Variants in DLG4 observed in about 807,000 individuals in gnomAD.
DLG4 encodes the protein discs large MAGUK scaffold protein 4, also known as disks large homolog 4.
Under a neutral mutation model 93.8 loss-of-function variants are expected in DLG4, and 7 were observed. The ratio of observed to expected loss-of-function variants is 0.07; its 90% CI spans 0.04 to 0.14. The LOEUF is 0.14. Among genes scored for constraint, DLG4 ranks in the 10% least tolerant of loss-of-function variants. The pLI, the probability that DLG4 is intolerant of heterozygous loss-of-function variation, is 1.00. For missense variants in DLG4, 545 were observed against 992.9 expected (o/e 0.55, Z 6.06); for synonymous variants, 341 against 387.6 (o/e 0.88, Z 1.41).
chr17:7,189,426 T>C lies in DLG4; in HGVS notation c.*1282A>G, dbSNP rs1265424742. 6.7e-6 allele frequency among the ~76,000 whole-genome samples: 1 copy of C among 149,838 alleles called. No homozygotes were observed. The highest frequency in any genetic ancestry group is 6.7e-5 in the Admixed American group (1 of 15,004). ...ATCACTTGAACCAGGGTGGCAGAGATCACAGTGAGCCGAGATCGAGCCACT... is the reference window on the plus strand; with the variant it reads ...ATCACTTGAACCAGGGTGGCAGAGACCACAGTGAGCCGAGATCGAGCCACT... On this transcript the variant is annotated 3_prime_UTR_variant, in exon 20 of 20. Coordinates refer to ENST00000399506, the MANE Select transcript of DLG4 (RefSeq NM_001321075.3).
Position 7,193,514 on chromosome 17 carries a change from C to T in DLG4, c.1662G>A (p.Glu554=), listed in dbSNP as rs1035828393. The change falls in exon 16 of 20, where the codon GAG becomes GAA. Residue 554 remains glutamate, a synonymous_variant. Transcript: ENST00000399506. This position sits in a 1 kb window ranked among gnomAD's most constrained non-coding sequence, Gnocchi z 6.7. ...KDRANDDLLS[E]FPDKFGSCVP... The stretch of plus-strand genomic sequence containing the variant: ...CACAGGATCCAAACTTGTCGGGGAA[C>T]TCGGAGAGAAGATCATCGTTGGCGC... 4 of 1,538,696 alleles carry T rather than the reference C, an allele frequency of 2.6e-6. No individual in the cohort carries two copies. The highest frequency in any genetic ancestry group is 3.5e-6 in the Non-Finnish European group (4 of 1,149,612).
At chr17:7,204,952 G>A in intron 2 of DLG4, 2 of 985,574 alleles carry the variant, frequency 2.0e-6, no homozygotes, top group Non-Finnish European at 2.4e-6. Flanking sequence ...CCACCTCCAG[G>A]AGGCCCTGTC....
chr17:7,217,104 C>T lies in DLG4; in HGVS notation c.30+14G>A, dbSNP rs914647414. The T allele has an allele frequency of 5.4e-6, 7 of 1,287,600 alleles. No individual in the cohort carries two copies. The African/African-American group carries it at 6.2e-5, about 11-fold the overall frequency. 79.8% of individuals were successfully genotyped at this position (1,287,600 alleles called of 1,614,324 possible). On this transcript the variant is annotated intron_variant, in intron 1 of 19. Coordinates refer to ENST00000399506, the MANE Select transcript of DLG4 (RefSeq NM_001321075.3). ...TACCCTCCCCCCAGTTTATAGCCCCCCCATCATGCTTACCTTGGTTGTCAC... is the reference window on the plus strand; with the variant it reads ...TACCCTCCCCCCAGTTTATAGCCCCTCCATCATGCTTACCTTGGTTGTCAC...
chr17:7,191,116 C>G lies in DLG4; in HGVS notation c.2068+151G>C, dbSNP rs973012051. On this transcript the variant is annotated intron_variant, in intron 19 of 19. Coordinates refer to ENST00000399506, the MANE Select transcript of DLG4 (RefSeq NM_001321075.3). This position sits in a 1 kb window ranked among gnomAD's most constrained non-coding sequence, Gnocchi z 6.6. ...TACCGAGTAGCTGGGATTACAGGTG[C>G]CCGCCAGTGCTGGGATTACAGGCGT... 3.0e-5 allele frequency: 21 copies of G among 702,770 alleles called. No individual in the cohort carries two copies. Among genetic ancestry groups the G allele is most frequent in the African/African-American group, 1.6e-4 (9 of 56,106 alleles). 43.5% of individuals were successfully genotyped at this position (702,770 alleles called of 1,614,324 possible).
In DLG4 at chr17:7,213,875, T is replaced by C. The variant is rs1256628894; in HGVS notation, c.30+3243A>G. 6.4e-6 allele frequency: 3 copies of C among 470,958 alleles called. No individual in the cohort carries two copies. The East Asian group carries it at 2.1e-4, about 33-fold the overall frequency. The allele number at this position is 470,958 out of a possible 1,614,324, so 29.2% of individuals were successfully genotyped here. ...GATGACCCCCAATGTCCTAGTTTCA[T>C]ATCTGGTAGGAAGGCTTGGATCACC... On this transcript the variant is annotated intron_variant, in intron 1 of 19. Transcript: ENST00000399506.
At position 7,203,241 on chromosome 17, in the gene DLG4, A is replaced by T. The variant is rs751626130; in HGVS notation, c.594T>A (p.Gly198=). Residue 198 remains glycine, a synonymous_variant, in exon 7 of 20, where the codon GGT becomes GGA. Transcript: ENST00000399506. The surrounding 1 kb of genome is among the most constrained non-coding windows in gnomAD (Gnocchi z 7.2). ...SIYVTKIIEG[G]AAHKDGRLQI... ...GCAACCTCCCATCCTTGTGGGCAGC[A>T]CCCCCTTCGATGATCTTTGTTACAT... 5 of 1,610,022 alleles carry T rather than the reference A, an allele frequency of 3.1e-6. No homozygotes were observed. Among genetic ancestry groups the T allele is most frequent in the Non-Finnish European group, 3.4e-6 (4 of 1,176,704 alleles).
intron 8 of DLG4, among the ~76,000 whole-genome samples, chr17:7,201,305 T>A (rs2070121101): frequency 1.3e-5 from 2 of 152,376 alleles, no homozygotes; most frequent in South Asian, 4.1e-4. Context: ...CTTGTCTTGT[T>A]ACACTGTCTG....
chr17:7,217,613 A>G lies in DLG4; in HGVS notation c.-466T>C. 8.3e-7 allele frequency: 1 copy of G among 1,211,594 alleles called. No individual in the cohort carries two copies. Among genetic ancestry groups the G allele is most frequent in the Non-Finnish European group, 1.1e-6 (1 of 937,326 alleles). The allele number at this position is 1,211,594 out of a possible 1,614,324, so 75.1% of individuals were successfully genotyped here. On this transcript the variant is annotated 5_prime_UTR_variant, in exon 1 of 20. Transcript: ENST00000399506. ...AGGGAGCCGTGGAGCCGAAGAGGGA[A>G]GGGGAGAGAGGAGGAGAGAGGAAGC...
rs968597127 is a variant in DLG4, at chr17:7,199,460, C to G, written c.788-2408G>C. Among the ~76,000 whole-genome samples, 319 of 152,002 alleles carry G rather than the reference C, an allele frequency of 2.1e-3. 1 individual carries two copies. The highest frequency in any genetic ancestry group is 3.8e-3 in the Non-Finnish European group (258 of 67,998). ...AGGTGATCCGCCTGCCTCAACCTCC[C>G]AAAGTGCTGAGATTACAGGCATGAG... On this transcript the variant is annotated intron_variant, in intron 8 of 19. Transcript: ENST00000399506.
At position 7,208,326 on chromosome 17, in the gene DLG4, G is replaced by T; in HGVS notation, c.31-87C>A. 3 of 1,208,736 alleles carry T rather than the reference G, an allele frequency of 2.5e-6. No homozygotes were observed. The highest frequency in any genetic ancestry group is 3.2e-6 in the Non-Finnish European group (3 of 936,628). 74.9% of individuals were successfully genotyped at this position (1,208,736 alleles called of 1,614,324 possible). A position where few individuals can be genotyped will look rare whatever the true frequency, so the allele number is the denominator to read the frequency against. On this transcript the variant is annotated intron_variant, in intron 1 of 19. Transcript: ENST00000399506. The surrounding 1 kb of genome is among the most constrained non-coding windows in gnomAD (Gnocchi z 5.4). Reference sequence around the variant, plus strand: ...GCCCTGGCCGCCGCCTCTTCCCCCAGCCAGTGCAGTGCGGAAGGCCCTGGG... The same window carrying T: ...GCCCTGGCCGCCGCCTCTTCCCCCATCCAGTGCAGTGCGGAAGGCCCTGGG...
intron 2 of DLG4, among the ~76,000 whole-genome samples, chr17:7,207,232 G>A (rs967090329): frequency 5.3e-5 from 8 of 152,082 alleles, no homozygotes; most frequent in Non-Finnish European, 7.4e-5. Context: ...AGGGGAGCTG[G>A]CTGATGGAGG....
Position 7,203,161 on chromosome 17 carries a change from G to A in DLG4, c.642+32C>T, listed in dbSNP as rs762132561. ...GGGCTAGTAGGTGAGACCCAAATCT[G>A]GGCTAGAAAATGGGCTAGATGGAGT... On this transcript the variant is annotated intron_variant, in intron 7 of 19. Coordinates refer to ENST00000399506, the MANE Select transcript of DLG4 (RefSeq NM_001321075.3). The surrounding 1 kb of genome is among the most constrained non-coding windows in gnomAD (Gnocchi z 7.2). 1.3e-6 allele frequency: 2 copies of A among 1,573,526 alleles called. No individual in the cohort carries two copies. The highest frequency in any genetic ancestry group is 2.7e-5 in the African/African-American group (2 of 74,356).
At chr17:7,204,320 G>C in intron 2 of DLG4, 68 bp from the exon 3 acceptor site, 1 of 1,460,472 alleles carries the variant, frequency 6.8e-7, no homozygotes, top group Non-Finnish European at 9.2e-7. Context: ...ATAACGGAGG[G>C]TCCCATCAGC....
rs1597430341 is a variant in DLG4, at chr17:7,188,738, C to T, written c.*1970G>A. ...CCCTCACAGTTCATATACATTTCTC[C>T]AGTTTTCATCTTTGGCATTTAGATT... On this transcript the variant is annotated 3_prime_UTR_variant, in exon 20 of 20. Transcript: ENST00000399506. Among the ~76,000 whole-genome samples, 2 of 152,184 alleles carry T rather than the reference C, an allele frequency of 1.3e-5. No homozygotes were observed. Among genetic ancestry groups the T allele is most frequent in the Admixed American group, 6.5e-5 (1 of 15,276 alleles).
intron 1 of DLG4, chr17:7,213,658 C>A: frequency 2.3e-6 from 1 of 431,208 alleles, no homozygotes; most frequent in East Asian, 7.2e-5. Flanking sequence ...AACAACTTAA[C>A]CTGAAAGCCT....
In DLG4 at chr17:7,195,036, AAAAG is replaced by A. The variant is rs1009411115; in HGVS notation, c.1302-545_1302-542del. 2.0e-4 allele frequency among the ~76,000 whole-genome samples: 31 copies of A among 152,152 alleles called. No homozygotes were observed. Among genetic ancestry groups the A allele is most frequent in the South Asian group, 2.1e-4 (1 of 4,816 alleles). On this transcript the variant is annotated intron_variant, in intron 11 of 19. Transcript: ENST00000399506. The surrounding 1 kb of genome is among the most constrained non-coding windows in gnomAD (Gnocchi z 4.3). ...ACCGTCTCAAAAAAAAAAAAAAAGA[AAAAG>A]AAAAAGAAAAACAGAAAGCAGTGTG...
chr17:7,217,033 G>C, intron 1 of DLG4, 85 bp downstream of exon 1: 1 of 1,188,650 alleles, frequency 8.4e-7, no homozygotes, highest in Non-Finnish European at 1.1e-6. Flanking sequence ...CCACTCCAGG[G>C]GCGCCAGTCC....
In DLG4 at chr17:7,191,747, A is replaced by T; in HGVS notation, c.1976+146T>A. On this transcript the variant is annotated intron_variant, in intron 18 of 19. Transcript: ENST00000399506. This position sits in a 1 kb window ranked among gnomAD's most constrained non-coding sequence, Gnocchi z 6.6. ...GAGGGGAAAGACCCGATTCCCCCAC[A>T]TCCTCTGGGTTCCAGGGATCCCCCT... The T allele has an allele frequency of 3.3e-6, 2 of 604,122 alleles. No individual in the cohort carries two copies. Among genetic ancestry groups the T allele is most frequent in the Middle Eastern group, 2.7e-4 (1 of 3,716 alleles). 37.4% of individuals were successfully genotyped at this position (604,122 alleles called of 1,614,324 possible).
In DLG4 at chr17:7,195,664, G is replaced by A. The variant is rs759009503; in HGVS notation, c.1301+556C>T. 3.4e-4 allele frequency among the ~76,000 whole-genome samples: 51 copies of A among 152,220 alleles called. No individual in the cohort carries two copies. In the Middle Eastern group the frequency reaches 0.014, roughly 41 times the overall value. ...ACATCTGCAGAGCGCAGCGGCAGAC[G>A]AGGCCATGCAAGCCACAGGGCCAGA... On this transcript the variant is annotated intron_variant, in intron 11 of 19. Transcript: ENST00000399506. This position sits in a 1 kb window ranked among gnomAD's most constrained non-coding sequence, Gnocchi z 4.3.
Sources: allele counts gnomAD v4.1 joint callset (sites outside exome capture counted in the v4.1 genomes callset), GRCh38; gene constraint gnomAD v4.1.1; non-coding constraint Gnocchi (gnomAD v3.1); transcripts MANE v1.5; gene names NCBI Gene and HGNC (gene_info 2026-07-23, HGNC 2026-07-21).